ZSCAN20: variants seen among roughly 807,000 people sequenced by gnomAD.
ZSCAN20 encodes the protein zinc finger and SCAN domain-containing protein 20.
A neutral mutation model predicts 97.1 loss-of-function variants in ZSCAN20; 39 were observed. The observed-to-expected ratio is 0.40, with a 90% CI of 0.31 to 0.52. The LOEUF (loss-of-function observed/expected upper bound fraction) is 0.52. Ranked by LOEUF, ZSCAN20 falls within the 20% of genes least tolerant of loss-of-function variation. The probability of loss-of-function intolerance (pLI) is 0.49; values close to 1 mark genes in which losing one functional copy is unlikely to be tolerated. For missense variants in ZSCAN20, 1,115 were observed against 1,290.4 expected (o/e 0.86, Z 2.08); for synonymous variants, 456 against 467.3 (o/e 0.98, Z 0.31).
chr1:33,488,128 T>C (rs1652441151), intron 2 of ZSCAN20, among the ~76,000 whole-genome samples: 1 of 152,212 alleles, frequency 6.6e-6, no homozygotes, highest in Admixed American at 6.5e-5. Context: ...TTTTTGATCA[T>C]TTAAAAAGTA....
At chr1:33,487,459 G>A (rs1400903309) in intron 2 of ZSCAN20, among the ~76,000 whole-genome samples, 1 of 151,326 alleles carries the variant, frequency 6.6e-6, no homozygotes, top group Non-Finnish European at 1.5e-5. Flanking sequence ...TGTTATTTTA[G>A]TTGATTACTC....
chr1:33,480,619 A>G (rs1652118511), intron 2 of ZSCAN20, among the ~76,000 whole-genome samples: 1 of 152,210 alleles, frequency 6.6e-6, no homozygotes, highest in African/African-American at 2.4e-5. Context: ...CAGCAATCCA[A>G]TAAGGTAGGT....
intron 2 of ZSCAN20, among the ~76,000 whole-genome samples, chr1:33,484,999 A>G (rs1652303105): frequency 6.6e-6 from 1 of 152,190 alleles, no homozygotes; most frequent in African/African-American, 2.4e-5. Flanking sequence ...TTTTGGTATT[A>G]GGGTAAATGC....
Position 33,479,198 on chromosome 1 carries a change from T to C in ZSCAN20, c.-91T>C. The C allele has an allele frequency of 7.1e-7, 1 of 1,415,550 alleles. No homozygotes were observed. Among genetic ancestry groups the C allele is most frequent in the Non-Finnish European group, 9.6e-7 (1 of 1,043,784 alleles). 87.7% of individuals were successfully genotyped at this position (1,415,550 alleles called of 1,614,324 possible). A position where few individuals can be genotyped will look rare whatever the true frequency, so the allele number is the denominator to read the frequency against. ...CCTTAGAGCCTTGGGGAGCAGTCCC[T>C]TTTCTAGGAGCCTCTTGAAGGACTC... On this transcript the variant is annotated 5_prime_UTR_variant, in exon 2 of 8. Transcript: ENST00000684572.
At chr1:33,488,341 A>G in intron 2 of ZSCAN20, 124 bp from the exon 3 acceptor site, 1 of 906,136 alleles carries the variant, frequency 1.1e-6, no homozygotes, top group Non-Finnish European at 1.7e-6. Context: ...TGGCTTTCTC[A>G]TCCTATTTCA....
At chr1:33,486,864 G>C (rs1230311102) in intron 2 of ZSCAN20, among the ~76,000 whole-genome samples, 1 of 152,108 alleles carries the variant, frequency 6.6e-6, no homozygotes, top group Non-Finnish European at 1.5e-5. Flanking sequence ...AATGGCCCTT[G>C]ATGCTCATGG....
intron 2 of ZSCAN20, among the ~76,000 whole-genome samples, chr1:33,486,902 A>G (rs1456391659): frequency 6.6e-6 from 1 of 152,204 alleles, no homozygotes; most frequent in African/African-American, 2.4e-5. Context: ...TCTCAATGGT[A>G]AAAATCCTTC....
chr1:33,482,783 T>G (rs377517082), intron 2 of ZSCAN20, among the ~76,000 whole-genome samples: 3 of 152,354 alleles, frequency 2.0e-5, no homozygotes, highest in East Asian at 1.9e-4. Context: ...GGTATTTTAT[T>G]GTTGTTCGAA....
In ZSCAN20 at chr1:33,494,616, A is replaced by C. The variant is rs1652774970; in HGVS notation, c.2272A>C (p.Arg758=). ...CCGCTCTAACCTCAATACCCATCAG[A>C]GAATCCACACTGGAGAGAAGCCCTA... ...SDRSNLNTHQ[R]IHTGEKPYKC... is the part of the protein sequence containing the mutation. Residue 758 remains arginine (R), a synonymous_variant, in exon 8 of 8, where the codon AGA becomes CGA. Coordinates refer to ENST00000684572, the MANE Select transcript of ZSCAN20 (RefSeq NM_001377376.1). The C allele has an allele frequency of 6.2e-7, 1 of 1,614,034 alleles. No homozygotes were observed. The highest frequency in any genetic ancestry group is 8.5e-7 in the Non-Finnish European group (1 of 1,179,882).
intron 2 of ZSCAN20, among the ~76,000 whole-genome samples, chr1:33,487,099 T>C: frequency 6.6e-6 from 1 of 152,216 alleles, no homozygotes; most frequent in East Asian, 1.9e-4. Context: ...TTACATTTGC[T>C]TGTATGTAGA....
At position 33,495,603 on chromosome 1, in the gene ZSCAN20, C is replaced by A; in HGVS notation, c.*127C>A. The A allele has an allele frequency of 1.1e-6, 1 of 873,668 alleles. No homozygotes were observed. The highest frequency in any genetic ancestry group is 1.6e-6 in the Non-Finnish European group (1 of 633,788). 54.1% of individuals were successfully genotyped at this position (873,668 alleles called of 1,614,324 possible). On this transcript the variant is annotated 3_prime_UTR_variant, in exon 8 of 8. Transcript: ENST00000684572. ...CCCAGGGAAGTTATCTTGGTATAAA[C>A]CAGGTAATTTGGAAGTGAATTACAA...
chr1:33,473,089 T>G (rs1651789058), intron 1 of ZSCAN20, among the ~76,000 whole-genome samples: 1 of 151,988 alleles, frequency 6.6e-6, no homozygotes, highest in Non-Finnish European at 1.5e-5. Context: ...ATCTCTACCT[T>G]CCCATCTAGA....
rs762316413 is a variant in ZSCAN20 at position 33,488,474 on chromosome 1, T to C, written c.427T>C (p.Leu143=). The change falls in exon 3 of 8, where the codon TTG becomes CTG. Residue 143 remains leucine, a synonymous_variant. Coordinates refer to ENST00000684572, the MANE Select transcript of ZSCAN20 (RefSeq NM_001377376.1). ...GACTATTTGTGTGTAGGGACTGGAA[T>C]TGCATACAGAAGAGACCAGGCCCTT... is the stretch of plus-strand genomic sequence containing the variant. ...TRTAGQSGLE[L]HTEETRPLKT... 1 of 1,612,078 alleles carries C rather than the reference T, an allele frequency of 6.2e-7. No homozygotes were observed. Among genetic ancestry groups the C allele is most frequent in the Admixed American group, 1.7e-5 (1 of 59,334 alleles).
rs371288345 is a variant in ZSCAN20, at chr1:33,479,486, C to T, written c.198C>T (p.His66=). ...AATACAGGGATGCAGCTGGACCCCA[C>T]GAGGCCTTCAGCCAGCTCTGGGCTC... is the stretch of plus-strand genomic sequence containing the variant. ...QFQYRDAAGP[H]EAFSQLWALC... is the part of the protein sequence containing the mutation. The change falls in exon 2 of 8, where the codon CAC becomes CAT. Residue 66 remains histidine (H), a synonymous_variant. Transcript: ENST00000684572. The T allele has an allele frequency of 3.5e-5, 57 of 1,613,258 alleles. No individual in the cohort carries two copies. Among genetic ancestry groups the T allele is most frequent in the Middle Eastern group, 1.6e-4 (1 of 6,074 alleles).
intron 2 of ZSCAN20, among the ~76,000 whole-genome samples, chr1:33,485,964 A>G (rs920591802): frequency 3.3e-5 from 5 of 151,936 alleles, no homozygotes; most frequent in Admixed American, 3.3e-4. Flanking sequence ...TTCCCATCTT[A>G]GGTGGGACAG....
intron 2 of ZSCAN20, among the ~76,000 whole-genome samples, chr1:33,483,119 T>C (rs1465421751): frequency 6.6e-6 from 1 of 152,214 alleles, no homozygotes; most frequent in East Asian, 1.9e-4. Flanking sequence ...TTTGATTTTG[T>C]ATCTGAAAAG....
At position 33,495,252 on chromosome 1, in the gene ZSCAN20, G is replaced by T; in HGVS notation, c.2908G>T (p.Asp970Tyr). Residue 970 changes from aspartate to tyrosine, a missense_variant, in exon 8 of 8, where the codon GAC becomes TAC. By Grantham distance (160) the Asp-to-Tyr change is radical. This residue lies in a region of ZSCAN20 where 554 missense variants were observed against 584.9 expected (regional missense o/e 0.95). Coordinates refer to ENST00000684572, the MANE Select transcript of ZSCAN20 (RefSeq NM_001377376.1). ...CCTTGAGTGTGGAAAATTCTTCCGT[G>T]ACCGTTCTAACCTCATTACTCACCA... is the stretch of plus-strand genomic sequence containing the variant. ...KCLECGKFFRDRSNLITHQRI... is the reference protein window; with the variant it reads ...KCLECGKFFRYRSNLITHQRI... 6.2e-7 allele frequency: 1 copy of T among 1,612,738 alleles called. No individual in the cohort carries two copies. Among genetic ancestry groups the T allele is most frequent in the South Asian group, 1.1e-5 (1 of 90,878 alleles).
chr1:33,477,453 A>G (rs1250027509), intron 1 of ZSCAN20, among the ~76,000 whole-genome samples: 2 of 151,912 alleles, frequency 1.3e-5, no homozygotes, highest in African/African-American at 4.8e-5. Context: ...ACTTGTTGGG[A>G]TGACACAGAG....
In ZSCAN20 at chr1:33,493,165, C is replaced by A; in HGVS notation, c.1445-22C>A. On this transcript the variant is annotated intron_variant, in intron 6 of 7. Coordinates refer to ENST00000684572, the MANE Select transcript of ZSCAN20 (RefSeq NM_001377376.1). This position sits in a 1 kb window ranked among gnomAD's most constrained non-coding sequence, Gnocchi z 4.3. ...GCACATCTCATTAAGTCTCACAGTT[C>A]TCAACTCTTCACTCCTGACAGCAGG... The A allele has an allele frequency of 6.2e-7, 1 of 1,608,388 alleles. No homozygotes were observed. Among genetic ancestry groups the A allele is most frequent in the South Asian group, 1.1e-5 (1 of 90,770 alleles).
Sources: gnomAD v4.1 joint callset for allele counts (sites outside exome capture counted in the v4.1 genomes callset) on GRCh38, gnomAD v4.1.1 for gene constraint, gnomAD v4.1.1 regional missense constraint, Gnocchi (gnomAD v3.1) non-coding constraint, MANE v1.5 for transcripts, NCBI Gene and HGNC (gene_info 2026-07-23, HGNC 2026-07-21) for gene names.